MCTP2: variants seen among roughly 807,000 people sequenced by gnomAD.
The protein encoded by MCTP2 is multiple C2 and transmembrane domain-containing protein 2.
In MCTP2, 132 loss-of-function variants were observed where a neutral mutation model predicts 111.6. The ratio of observed to expected loss-of-function variants is 1.18; its 90% CI spans 1.03 to 1.37. The LOEUF (loss-of-function observed/expected upper bound fraction) is 1.37, where lower values mean the gene tolerates loss of function less well. MCTP2 is among the 40% of genes most tolerant of loss of function. The probability of loss-of-function intolerance (pLI) is 0.00; values close to 1 mark genes in which losing one functional copy is unlikely to be tolerated. For missense variants in MCTP2, 1,183 were observed against 1,067.9 expected (o/e 1.11, Z -1.50); for synonymous variants, 395 against 387.7 (o/e 1.02, Z -0.22).
chr15:94,277,701 G>T (rs2074284355), intron 1 of MCTP2, among the ~76,000 whole-genome samples: 1 of 152,040 alleles, frequency 6.6e-6, no homozygotes, highest in Non-Finnish European at 1.5e-5. Context: ...CAAAGCAGGG[G>T]ATTTTTTATG....
chr15:94,320,905 G>T (rs184812744), intron 4 of MCTP2, among the ~76,000 whole-genome samples: 2 of 152,246 alleles, frequency 1.3e-5, no homozygotes, highest in East Asian at 3.9e-4. Context: ...TTTGGATTTG[G>T]TCTACTACTT....
chr15:94,356,117 A>G lies in MCTP2; in HGVS notation c.1006-20A>G, dbSNP rs751845767. On this transcript the variant is annotated intron_variant, in intron 8 of 22. Transcript: ENST00000357742. The stretch of plus-strand genomic sequence containing the variant: ...GGAATTAGAAGCAAGTTTACATGTC[A>G]TCTTTATTTTTTGCTTTAGTCCTCT... 1.3e-6 allele frequency: 2 copies of G among 1,527,476 alleles called. No homozygotes were observed. The highest frequency in any genetic ancestry group is 1.8e-6 in the Non-Finnish European group (2 of 1,135,236). 94.6% of individuals were successfully genotyped at this position (1,527,476 alleles called of 1,614,324 possible).
At chr15:94,443,460 G>A (rs1443237198) in intron 19 of MCTP2, among the ~76,000 whole-genome samples, 2 of 152,048 alleles carry the variant, frequency 1.3e-5, no homozygotes, top group African/African-American at 2.4e-5. Flanking sequence ...TTGTCATTAC[G>A]CTTTCAGACA....
intron 1 of MCTP2, among the ~76,000 whole-genome samples, chr15:94,238,524 G>T (rs2070719722): frequency 6.6e-6 from 1 of 152,040 alleles, no homozygotes; most frequent in Admixed American, 6.6e-5. Context: ...AAAAAAAAAA[G>T]TTCTTTTATC....
At chr15:94,470,976 T>C (rs2073878100) in intron 21 of MCTP2, among the ~76,000 whole-genome samples, 2 of 152,196 alleles carry the variant, frequency 1.3e-5, no homozygotes, top group South Asian at 4.1e-4. Flanking sequence ...GAAGTTATTA[T>C]TTACCAGGGG....
intron 4 of MCTP2, among the ~76,000 whole-genome samples, chr15:94,316,365 G>A (rs1567404189): frequency 6.6e-6 from 1 of 152,184 alleles, no homozygotes; most frequent in East Asian, 1.9e-4. Context: ...ATATGCTTCT[G>A]TGCACAGATA....
intron 19 of MCTP2, among the ~76,000 whole-genome samples, chr15:94,454,603 A>G (rs77210938): frequency 5.3e-4 from 23 of 43,256 alleles, no homozygotes; most frequent in African/African-American, 6.9e-4. Context: ...CTTTTGTGGA[A>G]AAAAAAAAAA....
intron 4 of MCTP2, among the ~76,000 whole-genome samples, chr15:94,338,155 A>C (rs938704936): frequency 6.6e-6 from 1 of 152,218 alleles, no homozygotes; most frequent in Non-Finnish European, 1.5e-5. Context: ...AATTCATTTC[A>C]ATAAATATTC....
intron 17 of MCTP2, among the ~76,000 whole-genome samples, chr15:94,435,867 G>T (rs958649705): frequency 2.6e-5 from 4 of 151,400 alleles, no homozygotes; most frequent in African/African-American, 9.7e-5. Flanking sequence ...TCCTGACCTC[G>T]TGATCCGCCC....
chr15:94,340,254 T>G lies in MCTP2; in HGVS notation c.836T>G (p.Leu279Arg). 2 of 1,612,910 alleles carry G rather than the reference T, an allele frequency of 1.2e-6. No individual in the cohort carries two copies. Among genetic ancestry groups the G allele is most frequent in the Non-Finnish European group, 1.7e-6 (2 of 1,179,044 alleles). ...TTCATGGGTTCTGCATTTGTCATTC[T>G]CAGTGATCTTGAGCTTAACAGGTAC... ...SDFMGSAFVILSDLELNRTTE... is the reference protein window; with the variant it reads ...SDFMGSAFVIRSDLELNRTTE... Residue 279 changes from leucine to arginine, a missense_variant, in exon 6 of 23, where the codon CTC (leucine) becomes CGC (arginine). Leu to Arg is a moderately radical substitution (Grantham distance 102). Transcript: ENST00000357742.
intron 1 of MCTP2, among the ~76,000 whole-genome samples, chr15:94,241,148 T>G (rs2152222344): frequency 6.6e-6 from 1 of 152,248 alleles, no homozygotes; most frequent in Admixed American, 6.5e-5. Context: ...TTTAGTTTCA[T>G]GTAGAGTCGG....
At chr15:94,478,882 G>T (rs1409197578) in intron 22 of MCTP2, 84 bp from the exon 23 acceptor site, 1 of 1,154,334 alleles carries the variant, frequency 8.7e-7, no homozygotes. Flanking sequence ...CTTTGCCTTC[G>T]GTTGTCCTTG....
chr15:94,292,632 A>C (rs1371668746), intron 1 of MCTP2, among the ~76,000 whole-genome samples: 1 of 152,224 alleles, frequency 6.6e-6, no homozygotes, highest in East Asian at 1.9e-4. Context: ...ATAAATGAAG[A>C]GACCTGCCAT....
At chr15:94,467,428 T>C (rs2073464801) in intron 20 of MCTP2, among the ~76,000 whole-genome samples, 1 of 150,774 alleles carries the variant, frequency 6.6e-6, no homozygotes, top group Non-Finnish European at 1.5e-5. Flanking sequence ...ATTATAATAA[T>C]CAAATATGAC....
At chr15:94,365,606 A>G (rs539476197) in intron 10 of MCTP2, among the ~76,000 whole-genome samples, 1 of 152,232 alleles carries the variant, frequency 6.6e-6, no homozygotes, top group Non-Finnish European at 1.5e-5. Context: ...TACTGCTCAC[A>G]GCGTTACTAG....
chr15:94,334,568 C>T (rs2077268253), intron 4 of MCTP2, among the ~76,000 whole-genome samples: 1 of 152,146 alleles, frequency 6.6e-6, no homozygotes, highest in African/African-American at 2.4e-5. Context: ...CAGGGTCTTG[C>T]CCTGTTAGCC....
intron 12 of MCTP2, among the ~76,000 whole-genome samples, chr15:94,374,902 A>C (rs2079678132): frequency 6.6e-6 from 1 of 152,214 alleles, no homozygotes; most frequent in Admixed American, 6.5e-5. Flanking sequence ...ACATAACAGC[A>C]CAACAGAAAA....
chr15:94,326,833 C>T (rs1377760783), intron 4 of MCTP2, among the ~76,000 whole-genome samples: 2 of 138,998 alleles, frequency 1.4e-5, no homozygotes, highest in Non-Finnish European at 3.2e-5. Context: ...CCCCCAACCT[C>T]GGCCTCCCAA....
intron 12 of MCTP2, among the ~76,000 whole-genome samples, chr15:94,370,505 A>G (rs191237833): frequency 2.6e-4 from 40 of 152,328 alleles, no homozygotes; most frequent in Non-Finnish European, 5.0e-4. Context: ...GTAACCTCAA[A>G]TGACAGCGAT....
Sources: allele counts gnomAD v4.1 joint callset (sites outside exome capture counted in the v4.1 genomes callset), GRCh38; gene constraint gnomAD v4.1.1; transcripts MANE v1.5; gene names NCBI Gene and HGNC (gene_info 2026-07-23, HGNC 2026-07-21).